The following ACACB variants were observed in gnomAD, a reference collection of about 807,000 sequenced individuals.
ACACB encodes acetyl-CoA carboxylase 2.
A neutral mutation model predicts 278.8 loss-of-function variants in ACACB; 209 were observed. The observed-to-expected ratio is 0.75, with a 90% confidence interval of 0.67 to 0.84. The LOEUF (loss-of-function observed/expected upper bound fraction) is 0.84, where lower values mean the gene tolerates loss of function less well. Among genes scored for constraint, ACACB ranks in the 40% least tolerant of loss-of-function variants. ACACB has a pLI of 0.00. For synonymous variants in ACACB, 1,174 were observed against 1,285.6 expected (o/e 0.91, Z 1.86); for missense variants, 2,850 against 3,269.0 (o/e 0.87, Z 3.13).
rs765325651 is a variant in ACACB at position 109,266,353 on chromosome 12, C to T, written c.7368C>T (p.Ala2456=). The T allele has an allele frequency of 3.1e-6, 5 of 1,606,492 alleles. No individual in the cohort carries two copies. In the Admixed American group the frequency reaches 6.7e-5, roughly 22 times the overall value. ...TGCTGTCTACCATGGACAGCCCGGC[C>T]TCCACCTGACCGTGGCCCGCCCAGC... ...VHLLSTMDSP[A]ST The change falls in exon 53 of 53, where the codon GCC becomes GCT. Residue 2456 remains alanine (A), a synonymous_variant. Coordinates refer to ENST00000338432, the MANE Select transcript of ACACB (RefSeq NM_001093.4).
In ACACB at chr12:109,242,420, C is replaced by T; in HGVS notation, c.5023-17C>T. 1 of 1,610,218 alleles carries T rather than the reference C, an allele frequency of 6.2e-7. No individual in the cohort carries two copies. Among genetic ancestry groups the T allele is most frequent in the Non-Finnish European group, 8.5e-7 (1 of 1,177,178 alleles). Reference sequence around the variant, plus strand: ...TGATTCTCTCTCACTCTCTGTTTTCCCTCCTTTCTGGTCCAGATCATGTTT... The same window carrying T: ...TGATTCTCTCTCACTCTCTGTTTTCTCTCCTTTCTGGTCCAGATCATGTTT... On this transcript the variant is annotated splice_polypyrimidine_tract_variant and intron_variant, in intron 36 of 52. Transcript: ENST00000338432.
rs2047169604 is a variant in ACACB, at chr12:109,254,318, A to C, written c.6150A>C (p.Ala2050=). 1 of 1,612,884 alleles carries C rather than the reference A, an allele frequency of 6.2e-7. No homozygotes were observed. The highest frequency in any genetic ancestry group is 1.7e-5 in the Admixed American group (1 of 59,816). ...CCTACGACCCCCGGTGGATGCTTGC[A>C]GGAAGGCCTCACCCAAGTAAGTTCT... ...RAPYDPRWML[A]GRPHPTLKGT... is the part of the protein sequence containing the mutation. Residue 2050 remains alanine (A), a synonymous_variant, in exon 44 of 53, where the codon GCA becomes GCC. Transcript: ENST00000338432.
chr12:109,146,405 T>C (rs2043243779), intron 2 of ACACB, among the ~76,000 whole-genome samples: 1 of 152,210 alleles, frequency 6.6e-6, no homozygotes. Context: ...TGGAAAATGC[T>C]TGTGTTAAGT....
In ACACB at chr12:109,188,088, A is replaced by AG. The variant is rs1275061147; in HGVS notation, c.2072dup (p.Leu692ProfsTer40). ...GTTACTTCAGCGTGGCCGCTACTGG[A>AG]GGCCTGCACGAGTTTGCGGATTCCC... is the stretch of plus-strand genomic sequence containing the variant. On this transcript the variant is annotated frameshift_variant, in exon 13 of 53. Coordinates refer to ENST00000338432, the MANE Select transcript of ACACB (RefSeq NM_001093.4). LOFTEE classifies it high-confidence loss of function. The AG allele has an allele frequency of 1.9e-6, 3 of 1,613,554 alleles. No homozygotes were observed. The African/African-American group carries it at 4.0e-5, about 22-fold the overall frequency.
chr12:109,223,776 CA>C (rs763558605), intron 26 of ACACB, 38 bp from the exon 27 acceptor site: 1 of 1,558,492 alleles, frequency 6.4e-7, no homozygotes, highest in Non-Finnish European at 8.9e-7. Flanking sequence ...AACTTGTTCA[CA>C]TTTACTTTTC....
chr12:109,252,196 G>A (rs200883155), intron 42 of ACACB, 40 bp downstream of exon 42: 12 of 1,414,272 alleles, frequency 8.5e-6, no homozygotes, highest in African/African-American at 2.9e-5. Context: ...ATCCTTGGGG[G>A]CCAGGAGTCA....
Position 109,191,873 on chromosome 12 carries a change from G to A in ACACB, c.2322G>A (p.Gly774=). Residue 774 remains glycine (G), a synonymous_variant, in exon 15 of 53, where the codon GGG becomes GGA. Coordinates refer to ENST00000338432, the MANE Select transcript of ACACB (RefSeq NM_001093.4). ...CGGAGAAACCGGATATCATGCTTGG[G>A]GTGGTATGCGGGGCCTTGAACGTGG... is the stretch of plus-strand genomic sequence containing the variant. ...VQAEKPDIML[G]VVCGALNVAD... 2 of 1,614,202 alleles carry A rather than the reference G, an allele frequency of 1.2e-6. No homozygotes were observed. The highest frequency in any genetic ancestry group is 1.7e-6 in the Non-Finnish European group (2 of 1,180,044).
chr12:109,121,537 G>A (rs1229122103), intron 1 of ACACB, among the ~76,000 whole-genome samples: 1 of 152,170 alleles, frequency 6.6e-6, no homozygotes, highest in African/African-American at 2.4e-5. Flanking sequence ...GAACTGTGGG[G>A]CATAGAGCAA....
chr12:109,146,935 A>G, intron 2 of ACACB, among the ~76,000 whole-genome samples: 1 of 152,126 alleles, frequency 6.6e-6, no homozygotes, highest in Non-Finnish European at 1.5e-5. Flanking sequence ...TCGGCCTCCC[A>G]AAGTACTGGG....
At chr12:109,160,804 C>T (rs1449026448) in intron 2 of ACACB, among the ~76,000 whole-genome samples, 1 of 152,230 alleles carries the variant, frequency 6.6e-6, no homozygotes, top group African/African-American at 2.4e-5. Flanking sequence ...GTTCGCTTGC[C>T]TAGCCTGCGG....
At chr12:109,227,548 G>T in intron 28 of ACACB, 59 bp downstream of exon 28, 2 of 1,530,000 alleles carry the variant, frequency 1.3e-6, no homozygotes, top group South Asian at 2.3e-5. Context: ...GACCTCTGTC[G>T]TCCTGTCTCT....
In ACACB at chr12:109,239,840, T is replaced by G; in HGVS notation, c.4673T>G (p.Phe1558Cys). Residue 1558 changes from phenylalanine (F) to cysteine (C), a missense_variant, in exon 35 of 53, where the codon TTC becomes TGC. This residue lies in a region of ACACB where 2,265 missense variants were observed against 2,561.3 expected (regional missense o/e 0.88). Transcript: ENST00000338432. ...HSDLITKEAS[F>C]EYLQNEGERL... ...CCCACTCTTTGGCAGGAAGCCTCCTTCGAATACCTGCAGAACGAGGGTGAG... is the reference window on the plus strand; with the variant it reads ...CCCACTCTTTGGCAGGAAGCCTCCTGCGAATACCTGCAGAACGAGGGTGAG... The G allele has an allele frequency of 6.2e-7, 1 of 1,612,876 alleles. No homozygotes were observed. The highest frequency in any genetic ancestry group is 8.5e-7 in the Non-Finnish European group (1 of 1,179,390).
chr12:109,165,168 C>T (rs1191073916), intron 2 of ACACB, among the ~76,000 whole-genome samples: 1 of 152,000 alleles, frequency 6.6e-6, no homozygotes, highest in African/African-American at 2.4e-5. Flanking sequence ...GACGAGCCAC[C>T]CATTCCCCCA....
In ACACB at chr12:109,139,227, T is replaced by G. The variant is rs2043040166; in HGVS notation, c.-9-170T>G. ...ACTAAGATCCAGAGGGGTGAAGGAA[T>G]ATGTCCAAGCCTGTTTCAGGCAGAG... On this transcript the variant is annotated intron_variant, in intron 1 of 52. Transcript: ENST00000338432. 2.0e-5 allele frequency among the ~76,000 whole-genome samples: 3 copies of G among 152,154 alleles called. No homozygotes were observed. The South Asian group carries it at 6.2e-4, about 32-fold the overall frequency.
chr12:109,168,847 C>T (rs1007516924), intron 4 of ACACB, among the ~76,000 whole-genome samples: 14 of 150,486 alleles, frequency 9.3e-5, no homozygotes, highest in African/African-American at 3.2e-4. Context: ...AACCTAAAAG[C>T]ATAACTCAGG....
At chr12:109,257,384 C>A (rs865923742) in intron 45 of ACACB, among the ~76,000 whole-genome samples, 9 of 151,956 alleles carry the variant, frequency 5.9e-5, no homozygotes, top group African/African-American at 1.9e-4. Flanking sequence ...TGCTCTCCCC[C>A]ACCCCTGCAT....
intron 34 of ACACB, among the ~76,000 whole-genome samples, chr12:109,239,124 C>T (rs2046721714): frequency 6.6e-6 from 1 of 150,524 alleles, no homozygotes; most frequent in African/African-American, 2.4e-5. Flanking sequence ...ACCATGTTGG[C>T]CAGGCTGGTC....
chr12:109,236,908 C>T (rs957148092), intron 33 of ACACB, among the ~76,000 whole-genome samples: 1 of 151,982 alleles, frequency 6.6e-6, no homozygotes, highest in African/African-American at 2.4e-5. Context: ...TAGCTAGGTT[C>T]CCCCAGGAGC....
At chr12:109,190,520 C>T (rs1475685686) in intron 13 of ACACB, among the ~76,000 whole-genome samples, 1 of 152,238 alleles carries the variant, frequency 6.6e-6, no homozygotes, top group African/African-American at 2.4e-5. Flanking sequence ...CCCACACACA[C>T]CAGGCAGAGC....
Sources: allele counts gnomAD v4.1 joint callset (sites outside exome capture counted in the v4.1 genomes callset), GRCh38; gene constraint gnomAD v4.1.1; regional missense constraint gnomAD v4.1.1; transcripts MANE v1.5; gene names NCBI Gene and HGNC (gene_info 2026-07-23, HGNC 2026-07-21).